The following TMOD1 variants were observed in gnomAD, a reference collection of about 807,000 sequenced individuals.
TMOD1 encodes tropomodulin-1.
Under a neutral mutation model 40.6 loss-of-function variants are expected in TMOD1, and 17 were observed. The observed-to-expected ratio is 0.42, with a 90% CI of 0.29 to 0.63. TMOD1 has a LOEUF of 0.63. TMOD1 is among the 20% of genes least tolerant of loss of function. TMOD1 has a pLI of 0.22. For synonymous variants in TMOD1, 181 were observed against 175.0 expected (o/e 1.03, Z -0.27); for missense variants, 391 against 447.6 (o/e 0.87, Z 1.14).
In TMOD1 at chr9:97,557,723, C is replaced by T. The variant is rs150330137; in HGVS notation, c.397+4323C>T. On this transcript the variant is annotated intron_variant, in intron 4 of 9. Coordinates refer to ENST00000259365, the MANE Select transcript of TMOD1 (RefSeq NM_003275.4). The surrounding 1 kb of genome is among the most constrained non-coding windows in gnomAD (Gnocchi z 4.4). ...CCGAGCAGCTGGCAGCAGGAGGAGC[C>T]GGGGATGTGTGCTGTTATCTCTCTG... Among the ~76,000 whole-genome samples, 536 of 152,278 alleles carry T rather than the reference C, an allele frequency of 3.5e-3. 2 individuals are homozygous for T. Among genetic ancestry groups the T allele is most frequent in the African/African-American group, 0.012 (502 of 41,540 alleles).
intron 2 of TMOD1, among the ~76,000 whole-genome samples, chr9:97,525,912 C>T (rs747769154): frequency 1.3e-5 from 2 of 152,168 alleles, no homozygotes; most frequent in Non-Finnish European, 2.9e-5. Flanking sequence ...ACCACAGGGT[C>T]ATGGGAACAA....
Position 97,562,809 on chromosome 9 carries a change from G to A in TMOD1, c.475G>A (p.Glu159Lys). The A allele has an allele frequency of 6.3e-7, 1 of 1,585,108 alleles. No homozygotes were observed. Among genetic ancestry groups the A allele is most frequent in the East Asian group, 2.4e-5 (1 of 42,458 alleles). ...ALSSSSIMNKEGLNSVIKPTQ... is the reference protein window; with the variant it reads ...ALSSSSIMNKKGLNSVIKPTQ... ...GAGCAGCAGCTCCATCATGAACAAG[G>A]AGGGGCTCAACAGTGAGTATGCGCC... The change falls in exon 5 of 10, where the codon GAG becomes AAG. Residue 159 changes from glutamate to lysine, a missense_variant. Glu to Lys is a moderately conservative substitution (Grantham distance 56). Transcript: ENST00000259365.
At chr9:97,562,218 AG>A (rs1830652270) in intron 4 of TMOD1, among the ~76,000 whole-genome samples, 1 of 152,174 alleles carries the variant, frequency 6.6e-6, no homozygotes, top group Non-Finnish European at 1.5e-5. Context: ...GGTAGAGGGA[AG>A]GAAGAGGCCA....
chr9:97,552,911 C>T (rs1048139690), intron 3 of TMOD1, among the ~76,000 whole-genome samples: 1 of 152,202 alleles, frequency 6.6e-6, no homozygotes, highest in African/African-American at 2.4e-5. Flanking sequence ...AATGTTTATA[C>T]ATTTTTCTCT....
chr9:97,565,636 T>A (rs751548164), intron 6 of TMOD1, among the ~76,000 whole-genome samples: 1 of 152,338 alleles, frequency 6.6e-6, no homozygotes, highest in Non-Finnish European at 1.5e-5. Context: ...ACAGGTCTTA[T>A]CTGAAATTTT....
intron 1 of TMOD1, among the ~76,000 whole-genome samples, chr9:97,505,420 G>A (rs982311196): frequency 5.9e-5 from 9 of 152,158 alleles, no homozygotes; most frequent in African/African-American, 1.7e-4. Flanking sequence ...CCCCAGGGCC[G>A]TTTCTAGCGA....
At chr9:97,596,134 A>G (rs977177014) in intron 9 of TMOD1, among the ~76,000 whole-genome samples, 5 of 151,508 alleles carry the variant, frequency 3.3e-5, no homozygotes, top group Admixed American at 3.3e-4. Context: ...CAAGCCAGAA[A>G]TCTGGGCCTG....
chr9:97,560,555 G>GGT (rs1830622455), intron 4 of TMOD1, among the ~76,000 whole-genome samples: 1 of 151,904 alleles, frequency 6.6e-6, no homozygotes, highest in Admixed American at 6.6e-5. Flanking sequence ...AGGTCAAGGT[G>GGT]GTGGATCAAG....
At chr9:97,536,385 T>C (rs534607736) in intron 2 of TMOD1, among the ~76,000 whole-genome samples, 1 of 152,134 alleles carries the variant, frequency 6.6e-6, no homozygotes, top group African/African-American at 2.4e-5. Context: ...TTAGGTTAAA[T>C]TGTTTGAAAT....
intron 1 of TMOD1, among the ~76,000 whole-genome samples, chr9:97,511,861 C>T (rs1269486647): frequency 5.3e-5 from 8 of 152,116 alleles, no homozygotes; most frequent in Admixed American, 3.3e-4. Flanking sequence ...CTGGGATTAC[C>T]GGTGTGAGTC....
chr9:97,519,099 G>C (rs1380169876), intron 1 of TMOD1, among the ~76,000 whole-genome samples: 1 of 152,250 alleles, frequency 6.6e-6, no homozygotes, highest in Non-Finnish European at 1.5e-5. Context: ...CTCCTCTGGA[G>C]TGTTCCCACA....
chr9:97,559,689 C>T lies in TMOD1; in HGVS notation c.398-3043C>T, dbSNP rs577658725. On this transcript the variant is annotated intron_variant, in intron 4 of 9. Transcript: ENST00000259365. ...CTGAGGCAGGAGAATCGCTTGAGTCCGGGAGGTGGAGGTTGCAGCGAGCCA... is the reference window on the plus strand; with the variant it reads ...CTGAGGCAGGAGAATCGCTTGAGTCTGGGAGGTGGAGGTTGCAGCGAGCCA... Among the ~76,000 whole-genome samples, 1,166 of 147,128 alleles carry T rather than the reference C, an allele frequency of 7.9e-3. 12 individuals are homozygous for T. Among genetic ancestry groups the T allele is most frequent in the African/African-American group, 0.028 (1,118 of 39,560 alleles).
chr9:97,519,773 TC>T (rs1472963833), intron 1 of TMOD1, among the ~76,000 whole-genome samples: 1 of 152,034 alleles, frequency 6.6e-6, no homozygotes, highest in African/African-American at 2.4e-5. Flanking sequence ...AGAACACGGG[TC>T]CTCTCCTGAG....
intron 3 of TMOD1, among the ~76,000 whole-genome samples, chr9:97,551,014 AT>A (rs55700746): frequency 2.6e-3 from 271 of 103,948 alleles, no homozygotes; most frequent in African/African-American, 4.4e-3. Context: ...ATATATATAT[AT>A]TTTTTTTTTT....
intron 9 of TMOD1, among the ~76,000 whole-genome samples, chr9:97,596,840 C>T (rs957184414): frequency 6.6e-6 from 1 of 152,222 alleles, no homozygotes; most frequent in African/African-American, 2.4e-5. Flanking sequence ...TGTTAGTTGC[C>T]ACCTGGGAAG....
At chr9:97,572,468 T>C (rs1490862143) in intron 8 of TMOD1, among the ~76,000 whole-genome samples, 1 of 151,944 alleles carries the variant, frequency 6.6e-6, no homozygotes, top group East Asian at 1.9e-4. Flanking sequence ...GGGGAGGCGC[T>C]CCTGCCTAAC....
At chr9:97,551,419 T>C (rs184605597) in intron 3 of TMOD1, among the ~76,000 whole-genome samples, 2 of 152,214 alleles carry the variant, frequency 1.3e-5, no homozygotes, top group Admixed American at 6.5e-5. Flanking sequence ...TTCTCTTGCA[T>C]GTGGATATTC....
intron 8 of TMOD1, among the ~76,000 whole-genome samples, chr9:97,582,930 A>G (rs1352139294): frequency 2.6e-5 from 4 of 151,538 alleles, no homozygotes; most frequent in South Asian, 4.2e-4. Flanking sequence ...TAGAAATACA[A>G]TCATGTCGTC....
intron 7 of TMOD1, among the ~76,000 whole-genome samples, chr9:97,567,753 G>A (rs757536010): frequency 5.9e-5 from 9 of 152,200 alleles, no homozygotes; most frequent in Non-Finnish European, 1.2e-4. Flanking sequence ...ATGCCATCCC[G>A]GGGGCACACT....
Sources: allele counts gnomAD v4.1 joint callset (sites outside exome capture counted in the v4.1 genomes callset), GRCh38; gene constraint gnomAD v4.1.1; non-coding constraint Gnocchi (gnomAD v3.1); transcripts MANE v1.5; gene names NCBI Gene and HGNC (gene_info 2026-07-23, HGNC 2026-07-21).